Variants in GRM4 observed in about 807,000 individuals in gnomAD.
The protein encoded by GRM4 is glutamate metabotropic receptor 4.
In GRM4, 28 loss-of-function variants were observed where a neutral mutation model predicts 81.7. The ratio of observed to expected loss-of-function variants is 0.34; its 90% confidence interval spans 0.25 to 0.47. The LOEUF is 0.47. GRM4 is among the 20% of genes least tolerant of loss of function. The probability of loss-of-function intolerance (pLI) is 1.00; values close to 1 mark genes in which losing one functional copy is unlikely to be tolerated. For synonymous variants in GRM4, 488 were observed against 528.8 expected, an observed-to-expected ratio of 0.92 and a Z score of 1.06; for missense variants, 948 against 1,290.0, an observed-to-expected ratio of 0.73 and a Z score of 4.06.
chr6:34,080,709 AG>A lies in GRM4; in HGVS notation c.736+11173del, dbSNP rs1209003815. On this transcript the variant is annotated intron_variant, in intron 3 of 10. Transcript: ENST00000538487. The surrounding 1 kb of genome is among the most constrained non-coding windows in gnomAD (Gnocchi z 5.4). ...AGCCAGCACCAGAGCAGTGGCTGCC[AG>A]GGGATTCAGCCCTCCCAGACCACTT... Among the ~76,000 whole-genome samples the A allele has an allele frequency of 6.6e-6, 1 of 152,080 alleles. No individual in the cohort carries two copies. Among genetic ancestry groups the A allele is most frequent in the Non-Finnish European group, 1.5e-5 (1 of 68,004 alleles).
intron 6 of GRM4, among the ~76,000 whole-genome samples, chr6:34,041,898 T>C (rs960133020): frequency 1.3e-5 from 2 of 152,228 alleles, no homozygotes; most frequent in South Asian, 2.1e-4. Flanking sequence ...GAACTCTTGA[T>C]GTATATTCAC....
chr6:34,095,228 C>T (rs1479380497), intron 2 of GRM4, among the ~76,000 whole-genome samples: 3 of 152,142 alleles, frequency 2.0e-5, no homozygotes, highest in Non-Finnish European at 1.5e-5. Context: ...CTTTGAGATG[C>T]GGGTGAGGGA....
At chr6:34,043,198 C>T (rs1271276677) in intron 6 of GRM4, among the ~76,000 whole-genome samples, 2 of 152,194 alleles carry the variant, frequency 1.3e-5, no homozygotes, top group Non-Finnish European at 1.5e-5. Flanking sequence ...GTCGTGTCTG[C>T]TAGCTTTGCT....
intron 2 of GRM4, chr6:34,103,601 G>A: frequency 2.0e-6 from 3 of 1,535,062 alleles, no homozygotes; most frequent in Non-Finnish European, 2.6e-6. Context: ...TTTACATGCT[G>A]ACTCAGTAAC....
At position 34,136,071 on chromosome 6, in the gene GRM4, T is replaced by C. The variant is rs914812; in HGVS notation, c.-363-2212A>G. ...ATCCTGTCCAAATGCCGACGGTGCC[T>C]CGTGGAGAAATCACAGCAAAAGACA... On this transcript the variant is annotated intron_variant, in intron 1 of 10. Transcript: ENST00000538487. The surrounding 1 kb of genome is among the most constrained non-coding windows in gnomAD (Gnocchi z 4.1). Among the ~76,000 whole-genome samples, 151,198 of 152,336 alleles carry C rather than the reference T, an allele frequency of 0.99. 75,046 individuals are homozygous for C. Among genetic ancestry groups the C allele is most frequent in the Middle Eastern group, 1 (294 of 294 alleles).
In GRM4 at chr6:34,074,816, T is replaced by C. The variant is rs1256943921; in HGVS notation, c.737-12788A>G. Among the ~76,000 whole-genome samples, 2 of 152,162 alleles carry C rather than the reference T, an allele frequency of 1.3e-5. No homozygotes were observed. Among genetic ancestry groups the C allele is most frequent in the Admixed American group, 1.3e-4 (2 of 15,282 alleles). ...GAGGCAGATGGTGGCAGGAGGGGCCTGGATGGGGCAGGACACAAAGAGATG... is the reference window on the plus strand; with the variant it reads ...GAGGCAGATGGTGGCAGGAGGGGCCCGGATGGGGCAGGACACAAAGAGATG... On this transcript the variant is annotated intron_variant, in intron 3 of 10. Coordinates refer to ENST00000538487, the MANE Select transcript of GRM4 (RefSeq NM_000841.4). This position sits in a 1 kb window ranked among gnomAD's most constrained non-coding sequence, Gnocchi z 4.9.
At chr6:34,112,739 C>A (rs1365103847) in intron 2 of GRM4, among the ~76,000 whole-genome samples, 2 of 152,124 alleles carry the variant, frequency 1.3e-5, no homozygotes. Context: ...CCCGCCCTAT[C>A]CCCTGCCTGG....
Position 34,096,364 on chromosome 6 carries a change from C to A in GRM4, c.520-4265G>T, listed in dbSNP as rs1384342924. Among the ~76,000 whole-genome samples the A allele has an allele frequency of 2.0e-5, 3 of 152,206 alleles. No homozygotes were observed. In the East Asian group the frequency reaches 5.8e-4, roughly 29 times the overall value. On this transcript the variant is annotated intron_variant, in intron 2 of 10. Transcript: ENST00000538487. ...TCATCAAGGCCCAACTCAAATGTCA[C>A]CTCCTCCAGGCAGCCCTCCCTGAGC...
intron 2 of GRM4, among the ~76,000 whole-genome samples, chr6:34,129,296 T>C (rs1770147313): frequency 2.0e-5 from 3 of 152,192 alleles, no homozygotes; most frequent in Admixed American, 2.0e-4. Flanking sequence ...ATTACAGGTG[T>C]GAGCCACTGC....
intron 1 of GRM4, among the ~76,000 whole-genome samples, chr6:34,154,430 C>T (rs1416831340): frequency 1.3e-5 from 2 of 152,194 alleles, no homozygotes; most frequent in African/African-American, 4.8e-5. Flanking sequence ...TCCGAGGCAT[C>T]CCGCTCACTG....
At chr6:34,053,632 G>A (rs1238238442) in intron 6 of GRM4, among the ~76,000 whole-genome samples, 2 of 152,134 alleles carry the variant, frequency 1.3e-5, no homozygotes, top group African/African-American at 2.4e-5. Flanking sequence ...CTGATTTAGG[G>A]CACCCTCCTG....
chr6:34,106,427 A>G (rs1282531908), intron 2 of GRM4, among the ~76,000 whole-genome samples: 1 of 150,436 alleles, frequency 6.6e-6, no homozygotes, highest in Non-Finnish European at 1.5e-5. Flanking sequence ...AAAAAAAAAA[A>G]AGAAAGAAAG....
chr6:34,038,976 A>C (rs1290211202), intron 8 of GRM4, among the ~76,000 whole-genome samples: 1 of 152,214 alleles, frequency 6.6e-6, no homozygotes, highest in Non-Finnish European at 1.5e-5. Context: ...GTACTCAGTA[A>C]GTGCTAGCTG....
At chr6:34,057,539 G>A (rs975373234) in intron 5 of GRM4, among the ~76,000 whole-genome samples, 4 of 152,170 alleles carry the variant, frequency 2.6e-5, no homozygotes, top group Non-Finnish European at 5.9e-5. Context: ...CCTGTGCACC[G>A]TACGATACTG....
rs1763933940 is a variant in GRM4, at chr6:34,022,628, C to G, written c.*193G>C. 3.3e-6 allele frequency: 2 copies of G among 607,834 alleles called. No homozygotes were observed. The highest frequency in any genetic ancestry group is 5.9e-6 in the Non-Finnish European group (2 of 338,592). The allele number at this position is 607,834 out of a possible 1,614,324, so 37.7% of individuals were successfully genotyped here. The stretch of plus-strand genomic sequence containing the variant: ...GCCTGGCACCGCCCCGGCCCCTCGT[C>G]CTCCTGTTGCTCACCCGGTTTGCCC... On this transcript the variant is annotated 3_prime_UTR_variant, in exon 11 of 11. Transcript: ENST00000538487. The surrounding 1 kb of genome is among the most constrained non-coding windows in gnomAD (Gnocchi z 5.6).
Position 34,068,635 on chromosome 6 carries a change from G to A in GRM4, c.737-6607C>T, listed in dbSNP as rs940428491. On this transcript the variant is annotated intron_variant, in intron 3 of 10. Transcript: ENST00000538487. This position sits in a 1 kb window ranked among gnomAD's most constrained non-coding sequence, Gnocchi z 4.2. ...GACCCATCCCCCCGCACCACCACTT[G>A]TGGGATGTGCCTATCTCATGCAGTC... is the stretch of plus-strand genomic sequence containing the variant. Among the ~76,000 whole-genome samples, 7 of 152,174 alleles carry A rather than the reference G, an allele frequency of 4.6e-5. No homozygotes were observed. The highest frequency in any genetic ancestry group is 8.8e-5 in the Non-Finnish European group (6 of 68,038).
chr6:34,026,871 C>T (rs147180789), intron 10 of GRM4, among the ~76,000 whole-genome samples: 3 of 152,294 alleles, frequency 2.0e-5, no homozygotes, highest in East Asian at 1.9e-4. Context: ...TGCTCCTGCA[C>T]GCAGCAGAGA....
chr6:34,142,633 C>G (rs1405112731), intron 1 of GRM4, among the ~76,000 whole-genome samples: 1 of 152,216 alleles, frequency 6.6e-6, no homozygotes, highest in Non-Finnish European at 1.5e-5. Context: ...CAGAGCCCTT[C>G]TAGGCCTGAA....
intron 5 of GRM4, among the ~76,000 whole-genome samples, chr6:34,057,271 C>T (rs943989817): frequency 5.2e-5 from 5 of 96,336 alleles, no homozygotes; most frequent in Non-Finnish European, 8.0e-5. Context: ...AACACCCCCT[C>T]CTCCTCCCAG....
Sources: gnomAD v4.1 joint callset for allele counts (sites outside exome capture counted in the v4.1 genomes callset) on GRCh38, gnomAD v4.1.1 for gene constraint, Gnocchi (gnomAD v3.1) non-coding constraint, MANE v1.5 for transcripts, NCBI Gene and HGNC (gene_info 2026-07-23, HGNC 2026-07-21) for gene names.